Variants in CACNB2 observed in about 807,000 individuals in gnomAD.
CACNB2 encodes calcium voltage-gated channel auxiliary subunit beta 2.
CACNB2 carries 42 observed loss-of-function variants against 73.3 expected under a neutral mutation model. The observed-to-expected ratio is 0.57, with a 90% CI of 0.45 to 0.74. The LOEUF (loss-of-function observed/expected upper bound fraction) is 0.74. Ranked by LOEUF, CACNB2 falls within the 30% of genes least tolerant of loss-of-function variation. The pLI is 0.00. For synonymous variants in CACNB2, 348 were observed against 310.3 expected, an observed-to-expected ratio of 1.12 and a Z score of -1.28; for missense variants, 940 against 853.0, an observed-to-expected ratio of 1.10 and a Z score of -1.27.
intron 3 of CACNB2, among the ~76,000 whole-genome samples, chr10:18,482,309 G>GA (rs920399677): frequency 2.6e-5 from 4 of 152,044 alleles, no homozygotes; most frequent in African/African-American, 7.2e-5. Flanking sequence ...AATAATGTCT[G>GA]AAAAAAACAA....
intron 3 of CACNB2, among the ~76,000 whole-genome samples, chr10:18,453,325 G>A (rs4748468): frequency 0.1 from 15,449 of 152,230 alleles, 923 homozygotes; most frequent in Admixed American, 0.17. Context: ...AAAAGGCAGT[G>A]CGTAAACTAG....
At chr10:18,527,165 G>A (rs527269510) in intron 9 of CACNB2, among the ~76,000 whole-genome samples, 1 of 152,062 alleles carries the variant, frequency 6.6e-6, no homozygotes, top group East Asian at 1.9e-4. Flanking sequence ...CGGATCACTT[G>A]AGGCCAGGAA....
chr10:18,534,908 A>G (rs1361077706), intron 11 of CACNB2, among the ~76,000 whole-genome samples: 1 of 152,196 alleles, frequency 6.6e-6, no homozygotes, highest in Non-Finnish European at 1.5e-5. Flanking sequence ...ATTTTCTTGG[A>G]CAAAATAAGC....
At chr10:18,191,865 A>AT (rs1401586560) in intron 2 of CACNB2, among the ~76,000 whole-genome samples, 6 of 152,100 alleles carry the variant, frequency 3.9e-5, no homozygotes, top group Non-Finnish European at 5.9e-5. Context: ...TTGGTTCCAT[A>AT]TTTTTGCAGT....
intron 6 of CACNB2, among the ~76,000 whole-genome samples, chr10:18,510,983 G>C (rs569457224): frequency 6.6e-6 from 1 of 152,312 alleles, no homozygotes; most frequent in Non-Finnish European, 1.5e-5. Context: ...AGTTTTCTGA[G>C]ACTCTTGCCT....
At chr10:18,496,988 A>T (rs2132996315) in intron 3 of CACNB2, among the ~76,000 whole-genome samples, 1 of 151,760 alleles carries the variant, frequency 6.6e-6, no homozygotes, top group East Asian at 1.9e-4. Flanking sequence ...AGGCGGGCAG[A>T]TCACCCAAGG....
chr10:18,381,420 G>A (rs765868759), intron 2 of CACNB2, among the ~76,000 whole-genome samples: 25 of 152,116 alleles, frequency 1.6e-4, no homozygotes, highest in Admixed American at 1.6e-3. Context: ...GCAGGGCACC[G>A]TGGCTCATGC....
At chr10:18,494,195 G>A (rs553087295) in intron 3 of CACNB2, among the ~76,000 whole-genome samples, 13 of 152,200 alleles carry the variant, frequency 8.5e-5, no homozygotes, top group African/African-American at 3.1e-4. Context: ...CTGCTACTCA[G>A]ATGATTGAAA....
At chr10:18,235,899 C>G (rs1252735968) in intron 2 of CACNB2, among the ~76,000 whole-genome samples, 1 of 152,146 alleles carries the variant, frequency 6.6e-6, no homozygotes, top group Non-Finnish European at 1.5e-5. Context: ...AGATTTCCCC[C>G]TTGCTGTTCT....
chr10:18,141,180 A>T, intron 1 of CACNB2: 1 of 1,329,180 alleles, frequency 7.5e-7, no homozygotes, highest in Non-Finnish European at 9.9e-7. Context: ...ATGGAGAGAC[A>T]TGAATCAGGG....
At chr10:18,146,077 C>T (rs11012800) in intron 1 of CACNB2, among the ~76,000 whole-genome samples, 15,140 of 152,058 alleles carry the variant, frequency 0.1, 992 homozygotes, top group African/African-American at 0.19. Context: ...TTATAAAAGG[C>T]AACTTACTTC....
chr10:18,195,825 T>C lies in CACNB2; in HGVS notation c.213+44850T>C, dbSNP rs117083321. 5.2e-3 allele frequency among the ~76,000 whole-genome samples: 786 copies of C among 152,366 alleles called. 1 individual carries two copies. Among genetic ancestry groups the C allele is most frequent in the Non-Finnish European group, 8.5e-3 (581 of 68,032 alleles). On this transcript the variant is annotated intron_variant, in intron 2 of 13. Coordinates refer to ENST00000324631, the MANE Select transcript of CACNB2 (RefSeq NM_201596.3). ...AAGCAGTAAAAGCTGTCGCTTTCTG[T>C]GTAATGTCTATGAACTTGCATTTGT...
chr10:18,157,278 T>C (rs11594555), intron 2 of CACNB2, among the ~76,000 whole-genome samples: 41,504 of 152,108 alleles, frequency 0.27, 5,805 homozygotes, highest in African/African-American at 0.3. Flanking sequence ...CGCCTGGACT[T>C]GGAAGCCAGG....
At chr10:18,271,325 C>T (rs760446462) in intron 2 of CACNB2, among the ~76,000 whole-genome samples, 59 of 152,164 alleles carry the variant, frequency 3.9e-4, no homozygotes, top group Non-Finnish European at 5.4e-4. Flanking sequence ...TAACAAGGAC[C>T]TACTGAAGTG....
At chr10:18,453,572 T>A (rs890695517) in intron 3 of CACNB2, among the ~76,000 whole-genome samples, 1 of 152,250 alleles carries the variant, frequency 6.6e-6, no homozygotes, top group African/African-American at 2.4e-5. Flanking sequence ...GTTTATTTCC[T>A]CCACAGAACA....
chr10:18,152,457 A>G (rs2031643063), intron 2 of CACNB2, among the ~76,000 whole-genome samples: 1 of 152,060 alleles, frequency 6.6e-6, no homozygotes, highest in Non-Finnish European at 1.5e-5. Flanking sequence ...AGGAGCTAGG[A>G]AGGCTGTCAG....
intron 12 of CACNB2, among the ~76,000 whole-genome samples, chr10:18,537,806 A>T (rs1320101615): frequency 1.3e-5 from 2 of 152,088 alleles, no homozygotes; most frequent in African/African-American, 4.8e-5. Flanking sequence ...AGATATCACA[A>T]TCTTTATGTC....
chr10:18,360,116 C>G (rs1051513074), intron 2 of CACNB2, among the ~76,000 whole-genome samples: 1 of 152,110 alleles, frequency 6.6e-6, no homozygotes, highest in Non-Finnish European at 1.5e-5. Context: ...ATTGTAAGAA[C>G]AGGGGAATGA....
intron 2 of CACNB2, among the ~76,000 whole-genome samples, chr10:18,347,541 G>A (rs1286055490): frequency 7.1e-6 from 1 of 141,600 alleles, no homozygotes; most frequent in African/African-American, 2.6e-5. Context: ...TGAGCAAGTT[G>A]ATTAACATCT....
Sources: allele counts gnomAD v4.1 joint callset (sites outside exome capture counted in the v4.1 genomes callset), GRCh38; gene constraint gnomAD v4.1.1; transcripts MANE v1.5; gene names NCBI Gene and HGNC (gene_info 2026-07-23, HGNC 2026-07-21).